FGF12: variants seen among roughly 807,000 people sequenced by gnomAD.
The protein encoded by FGF12 is fibroblast growth factor 12B.
A neutral mutation model predicts 23.6 loss-of-function variants in FGF12; 14 were observed. The ratio of observed to expected loss-of-function variants is 0.59; its 90% CI spans 0.39 to 0.93. The LOEUF is 0.93. Among genes scored for constraint, FGF12 ranks in the 40% least tolerant of loss-of-function variants. FGF12 has a pLI of 0.00. For synonymous variants in FGF12, 62 were observed against 77.3 expected (o/e 0.80, Z 1.04); for missense variants, 175 against 217.8 (o/e 0.80, Z 1.24).
chr3:192,192,665 C>A (rs1190342553), intron 4 of FGF12, among the ~76,000 whole-genome samples: 4 of 151,736 alleles, frequency 2.6e-5, no homozygotes, highest in African/African-American at 9.7e-5. Flanking sequence ...TATTTTCAAA[C>A]TTAAAAGGGA....
chr3:192,159,579 A>G (rs1185715505), intron 5 of FGF12, among the ~76,000 whole-genome samples: 1 of 152,202 alleles, frequency 6.6e-6, no homozygotes, highest in Non-Finnish European at 1.5e-5. Flanking sequence ...AGGTGGTATT[A>G]CTAATATTCT....
intron 2 of FGF12, among the ~76,000 whole-genome samples, chr3:192,679,685 A>G (rs1246706749): frequency 6.6e-6 from 1 of 151,970 alleles, no homozygotes; most frequent in East Asian, 1.9e-4. Context: ...TCATACAGGG[A>G]GGCCCCAGAT....
chr3:192,389,033 C>T (rs1229724608), intron 2 of FGF12, among the ~76,000 whole-genome samples: 2 of 152,166 alleles, frequency 1.3e-5, no homozygotes, highest in Non-Finnish European at 2.9e-5. Flanking sequence ...TACAACGAAA[C>T]ATAATTAATG....
intron 4 of FGF12, among the ~76,000 whole-genome samples, chr3:192,204,100 C>T (rs533643178): frequency 6.6e-6 from 1 of 152,124 alleles, no homozygotes; most frequent in South Asian, 2.1e-4. Flanking sequence ...TTTCACTTTT[C>T]AATTTGTCTA....
At chr3:192,621,003 G>A in intron 2 of FGF12, among the ~76,000 whole-genome samples, 1 of 152,086 alleles carries the variant, frequency 6.6e-6, no homozygotes, top group Middle Eastern at 3.2e-3. Context: ...TATATTTTTA[G>A]TCAGGTAAAT....
chr3:192,202,027 G>T (rs1717395967), intron 4 of FGF12, among the ~76,000 whole-genome samples: 1 of 152,100 alleles, frequency 6.6e-6, no homozygotes, highest in Non-Finnish European at 1.5e-5. Context: ...TTACCAAATT[G>T]ACTTTGAACA....
At chr3:192,603,545 G>C (rs1308855272) in intron 2 of FGF12, among the ~76,000 whole-genome samples, 1 of 152,118 alleles carries the variant, frequency 6.6e-6, no homozygotes, top group Non-Finnish European at 1.5e-5. Flanking sequence ...GAGAAATAAA[G>C]AGAAAGAGTA....
chr3:192,507,603 T>C lies in FGF12; in HGVS notation c.14-147065A>G, dbSNP rs944050903. On this transcript the variant is annotated intron_variant, in intron 2 of 5. Transcript: ENST00000445105. ...AATGATTGATGTTCTCCATATTCCG[T>C]ACCATGGCAGTTTTAGACAATGCAA... is the stretch of plus-strand genomic sequence containing the variant. Among the ~76,000 whole-genome samples the C allele has an allele frequency of 7.2e-5, 11 of 152,280 alleles. No individual in the cohort carries two copies. The East Asian group carries it at 1.7e-3, about 24-fold the overall frequency.
At chr3:192,629,896 C>A (rs143430782) in intron 2 of FGF12, among the ~76,000 whole-genome samples, 23 of 152,236 alleles carry the variant, frequency 1.5e-4, no homozygotes, top group African/African-American at 5.5e-4. Context: ...ATTTTTAACA[C>A]GCTCCCTAGG....
intron 2 of FGF12, among the ~76,000 whole-genome samples, chr3:192,643,799 T>C (rs573105709): frequency 6.6e-6 from 1 of 152,344 alleles, no homozygotes; most frequent in East Asian, 1.9e-4. Flanking sequence ...GGAAACTTCT[T>C]GGCATCTGAA....
chr3:192,473,604 G>C (rs1356199359), intron 2 of FGF12, among the ~76,000 whole-genome samples: 1 of 152,164 alleles, frequency 6.6e-6, no homozygotes, highest in Admixed American at 6.5e-5. Flanking sequence ...TACTTTGTAA[G>C]TGTAGTATTT....
chr3:192,711,910 C>T (rs1169045981), intron 2 of FGF12, among the ~76,000 whole-genome samples: 4 of 147,436 alleles, frequency 2.7e-5, no homozygotes, highest in Admixed American at 6.8e-5. Flanking sequence ...CCTGCCAAAT[C>T]CCCCTCTGCG....
chr3:192,688,439 G>T lies in FGF12; in HGVS notation c.13+38742C>A, dbSNP rs1012531505. 2.0e-5 allele frequency among the ~76,000 whole-genome samples: 3 copies of T among 152,170 alleles called. No individual in the cohort carries two copies. The South Asian group carries it at 6.2e-4, about 32-fold the overall frequency. On this transcript the variant is annotated intron_variant, in intron 2 of 5. Transcript: ENST00000445105. ...TGGAAAAAGAATGCACGCATCAAAT[G>T]CTACATTTGTAAGGCTTTGTAAGGC...
At chr3:192,296,461 T>A (rs1715047872) in intron 4 of FGF12, among the ~76,000 whole-genome samples, 2 of 152,088 alleles carry the variant, frequency 1.3e-5, no homozygotes, top group African/African-American at 4.8e-5. Context: ...TGAGCTCAAG[T>A]GATAGCCCCG....
At chr3:192,155,086 T>C (rs1714313719) in intron 5 of FGF12, among the ~76,000 whole-genome samples, 1 of 150,840 alleles carries the variant, frequency 6.6e-6, no homozygotes, top group African/African-American at 2.5e-5. Context: ...TCCAGGTGCG[T>C]CTGTCACCCC....
At chr3:192,615,328 A>T (rs1714717917) in intron 2 of FGF12, among the ~76,000 whole-genome samples, 1 of 152,008 alleles carries the variant, frequency 6.6e-6, no homozygotes. Context: ...CCTTCTCTAT[A>T]ATTATAGAAT....
At chr3:192,169,436 G>T (rs1358118558) in intron 5 of FGF12, among the ~76,000 whole-genome samples, 3 of 152,184 alleles carry the variant, frequency 2.0e-5, no homozygotes, top group South Asian at 2.1e-4. Flanking sequence ...CCTGAGAGGG[G>T]CTAGGGGCTT....
intron 4 of FGF12, among the ~76,000 whole-genome samples, chr3:192,284,808 T>C (rs1714354377): frequency 2.0e-5 from 3 of 152,144 alleles, no homozygotes; most frequent in South Asian, 4.1e-4. Context: ...GCTGGAAGTG[T>C]TGAAATAAGT....
intron 4 of FGF12, among the ~76,000 whole-genome samples, chr3:192,217,914 G>A (rs766283688): frequency 1.3e-4 from 19 of 151,294 alleles, no homozygotes; most frequent in Admixed American, 2.6e-4. Context: ...TCGGCTCACC[G>A]CAACCTCTGC....
Sources: allele counts gnomAD v4.1 joint callset (sites outside exome capture counted in the v4.1 genomes callset), GRCh38; gene constraint gnomAD v4.1.1; transcripts MANE v1.5; gene names NCBI Gene and HGNC (gene_info 2026-07-23, HGNC 2026-07-21).